SCN9A: variants seen among roughly 807,000 people sequenced by gnomAD.
The protein encoded by SCN9A is sodium channel protein type 9 subunit alpha.
SCN9A carries 131 observed loss-of-function variants against 187.0 expected under a neutral mutation model. The ratio of observed to expected loss-of-function variants is 0.70; its 90% CI spans 0.61 to 0.81. The LOEUF (loss-of-function observed/expected upper bound fraction) is 0.81, where lower values mean the gene tolerates loss of function less well. Among genes scored for constraint, SCN9A ranks in the 30% least tolerant of loss-of-function variants. The pLI is 0.00. For synonymous variants in SCN9A, 809 were observed against 808.6 expected (o/e 1.00, Z -0.01); for missense variants, 2,252 against 2,396.6 (o/e 0.94, Z 1.26).
intron 1 of SCN9A, among the ~76,000 whole-genome samples, chr2:166,315,181 C>A (rs1363191666): frequency 6.6e-6 from 1 of 151,802 alleles, no homozygotes; most frequent in Non-Finnish European, 1.5e-5. Context: ...CCTCACTAGA[C>A]TTTCAGTGTA....
At chr2:166,341,858 A>T (rs972865318) in intron 1 of SCN9A, among the ~76,000 whole-genome samples, 8 of 152,210 alleles carry the variant, frequency 5.3e-5, no homozygotes, top group Admixed American at 4.6e-4. Context: ...TATTCATTTC[A>T]TCAATAACAT....
At chr2:166,281,873 A>G (rs1240077506) in intron 12 of SCN9A, 65 bp from the exon 13 acceptor site, 14 of 1,473,214 alleles carry the variant, frequency 9.5e-6, no homozygotes, top group Non-Finnish European at 1.3e-5. Context: ...ATAAGATAAA[A>G]TCTTGCTTAT....
chr2:166,207,824 G>A (rs947791532), intron 24 of SCN9A, among the ~76,000 whole-genome samples: 5 of 152,178 alleles, frequency 3.3e-5, no homozygotes, highest in African/African-American at 1.2e-4. Flanking sequence ...CTACTGGCAA[G>A]GCATGAGAGA....
intron 13 of SCN9A, 77 bp from the exon 14 acceptor site, chr2:166,280,672 A>G: frequency 1.2e-6 from 1 of 802,016 alleles, no homozygotes; most frequent in South Asian, 1.8e-5. Context: ...TCAGTCAGGC[A>G]TTCTAATATT....
At chr2:166,255,388 T>A (rs1001426050) in intron 17 of SCN9A, among the ~76,000 whole-genome samples, 4 of 151,612 alleles carry the variant, frequency 2.6e-5, no homozygotes, top group African/African-American at 9.7e-5. Context: ...GAACATGTCC[T>A]AAGTTGTTCA....
chr2:166,369,907 C>A (rs963127356), intron 1 of SCN9A, among the ~76,000 whole-genome samples: 6 of 152,036 alleles, frequency 3.9e-5, no homozygotes, highest in African/African-American at 1.4e-4. Flanking sequence ...CTGGATCAAG[C>A]AATCCTCCAG....
At chr2:166,283,883 C>T (rs1272138811) in intron 12 of SCN9A, among the ~76,000 whole-genome samples, 1 of 152,148 alleles carries the variant, frequency 6.6e-6, no homozygotes, top group Non-Finnish European at 1.5e-5. Context: ...CATTTATTAG[C>T]TGAGTAAATT....
At chr2:166,343,274 A>G (rs1411225100) in intron 1 of SCN9A, among the ~76,000 whole-genome samples, 1 of 152,172 alleles carries the variant, frequency 6.6e-6, no homozygotes, top group African/African-American at 2.4e-5. Flanking sequence ...GGCTTCACAT[A>G]TAAAAACCCA....
At chr2:166,295,614 A>C (rs1480459402) in intron 7 of SCN9A, among the ~76,000 whole-genome samples, 3 of 152,176 alleles carry the variant, frequency 2.0e-5, no homozygotes. Context: ...GATCACCATT[A>C]TATATATGGT....
chr2:166,211,668 A>G (rs1694100701), intron 24 of SCN9A, among the ~76,000 whole-genome samples: 1 of 152,122 alleles, frequency 6.6e-6, no homozygotes, highest in African/African-American at 2.4e-5. Context: ...TTAAAAGTGA[A>G]GATTTTTGAT....
chr2:166,370,587 A>G (rs1277401933), intron 1 of SCN9A, among the ~76,000 whole-genome samples: 2 of 151,962 alleles, frequency 1.3e-5, no homozygotes, highest in Non-Finnish European at 2.9e-5. Context: ...TAAAAATCAG[A>G]TAATACAGGG....
chr2:166,284,700 C>G lies in SCN9A; in HGVS notation c.1727G>C (p.Ser576Thr). ...TCTGCTCTCATTGTCTCCAAAAATG[C>G]TGTGCTCATCATCGGCAAATTCAGT... ...SETEFADDEH[S>T]IFGDNESRRG... The change falls in exon 12 of 27, where the codon AGC becomes ACC. Residue 576 changes from serine to threonine, a missense_variant. This residue lies in a region of SCN9A where 1,013 missense variants were observed against 997.4 expected (regional missense o/e 1.02). Coordinates refer to ENST00000642356, the MANE Select transcript of SCN9A (RefSeq NM_001365536.1). 1 of 1,614,000 alleles carries G rather than the reference C, an allele frequency of 6.2e-7. No homozygotes were observed.
At chr2:166,357,986 C>A (rs1047712420) in intron 1 of SCN9A, among the ~76,000 whole-genome samples, 1 of 96,984 alleles carries the variant, frequency 1.0e-5, no homozygotes, top group African/African-American at 6.7e-5. Context: ...TAAAGTATTT[C>A]ATAAATTTTT....
At chr2:166,229,263 A>G (rs1477036805) in intron 21 of SCN9A, among the ~76,000 whole-genome samples, 1 of 152,174 alleles carries the variant, frequency 6.6e-6, no homozygotes, top group Admixed American at 6.5e-5. Context: ...AAGATAATAT[A>G]ATAGCTTAAA....
At chr2:166,255,192 G>C (rs1236246551) in intron 17 of SCN9A, among the ~76,000 whole-genome samples, 2 of 151,354 alleles carry the variant, frequency 1.3e-5, no homozygotes, top group African/African-American at 4.8e-5. Context: ...CACTATAGCT[G>C]TGAAACAATC....
At chr2:166,268,728 C>T (rs566709013) in intron 17 of SCN9A, among the ~76,000 whole-genome samples, 21 of 151,992 alleles carry the variant, frequency 1.4e-4, no homozygotes, top group Non-Finnish European at 2.5e-4. Flanking sequence ...AAACAAATTT[C>T]CTCTAGATCT....
Position 166,198,740 on chromosome 2 carries a change from C to CTTTG in SCN9A, c.5895_5898dup (p.Glu1967GlnfsTer5), listed in dbSNP as rs1033519910. 6.2e-7 allele frequency: 1 copy of CTTTG among 1,613,182 alleles called. No individual in the cohort carries two copies. The highest frequency in any genetic ancestry group is 8.5e-7 in the Non-Finnish European group (1 of 1,179,576). ...TCTGTTCTGTCTTGTTCATATTTCT[C>CTTTG]TTTGTCTGGCTTTGTTACACTATCA... On this transcript the variant is annotated frameshift_variant, in exon 27 of 27. Coordinates refer to ENST00000642356, the MANE Select transcript of SCN9A (RefSeq NM_001365536.1). LOFTEE classifies it high-confidence loss of function.
intron 16 of SCN9A, 52 bp from the exon 17 acceptor site, chr2:166,272,927 AAAAAT>A (rs927627312): frequency 6.1e-6 from 5 of 814,434 alleles, no homozygotes; most frequent in Middle Eastern, 2.4e-4. Flanking sequence ...AGGAAATATA[AAAAAT>A]AAAATAAAAT....
intron 7 of SCN9A, 149 bp downstream of exon 7, chr2:166,302,941 A>G (rs1010984479): frequency 3.1e-6 from 2 of 647,180 alleles, no homozygotes; most frequent in Admixed American, 3.1e-5. Context: ...AAAATCATAT[A>G]TAACATGACC....
Sources: allele counts gnomAD v4.1 joint callset (sites outside exome capture counted in the v4.1 genomes callset), GRCh38; gene constraint gnomAD v4.1.1; regional missense constraint gnomAD v4.1.1; transcripts MANE v1.5; gene names NCBI Gene and HGNC (gene_info 2026-07-23, HGNC 2026-07-21).